The following CRPPA variants were observed in gnomAD, a reference collection of about 807,000 sequenced individuals.
The protein encoded by CRPPA is D-ribitol-5-phosphate cytidylyltransferase.
Under a neutral mutation model 52.0 loss-of-function variants are expected in CRPPA, and 43 were observed. That is an observed-to-expected ratio of 0.83 (90% CI 0.65 to 1.07). The LOEUF is 1.07. Ranked by LOEUF, CRPPA falls within the 50% of genes least tolerant of loss-of-function variation. CRPPA has a pLI of 0.00. For synonymous variants in CRPPA, 250 were observed against 203.5 expected (o/e 1.23, Z -1.94); for missense variants, 629 against 551.7 (o/e 1.14, Z -1.40).
At chr7:16,357,389 A>G (rs903248215) in intron 3 of CRPPA, among the ~76,000 whole-genome samples, 20 of 151,994 alleles carry the variant, frequency 1.3e-4, no homozygotes, top group African/African-American at 4.3e-4. Flanking sequence ...ATGTTGGCCA[A>G]TCTGGTCTCA....
At chr7:16,403,326 A>G (rs1787872922) in intron 2 of CRPPA, among the ~76,000 whole-genome samples, 1 of 152,204 alleles carries the variant, frequency 6.6e-6, no homozygotes, top group Non-Finnish European at 1.5e-5. Flanking sequence ...TTTGAGCTCT[A>G]CAACCTTAAT....
chr7:16,349,943 A>C (rs1306447562), intron 3 of CRPPA, among the ~76,000 whole-genome samples: 1 of 152,146 alleles, frequency 6.6e-6, no homozygotes, highest in African/African-American at 2.4e-5. Context: ...AAGAGACCAT[A>C]TCAAGAAATA....
chr7:16,383,063 G>C (rs1787155300), intron 2 of CRPPA, among the ~76,000 whole-genome samples: 1 of 152,230 alleles, frequency 6.6e-6, no homozygotes, highest in South Asian at 2.1e-4. Flanking sequence ...AGGAGGAGAA[G>C]TGCTCTGCTT....
At chr7:16,305,327 C>T (rs1003712076) in intron 4 of CRPPA, among the ~76,000 whole-genome samples, 4 of 152,086 alleles carry the variant, frequency 2.6e-5, no homozygotes, top group East Asian at 1.9e-4. Flanking sequence ...AAACAAAAAA[C>T]GCTTATAACG....
chr7:16,138,212 A>G (rs1782797860), intron 9 of CRPPA, among the ~76,000 whole-genome samples: 1 of 152,326 alleles, frequency 6.6e-6, no homozygotes, highest in South Asian at 2.1e-4. Context: ...TAAAGAATGT[A>G]TGCTGTTTAC....
At chr7:16,305,835 T>C (rs940168939) in intron 4 of CRPPA, among the ~76,000 whole-genome samples, 2 of 152,108 alleles carry the variant, frequency 1.3e-5, no homozygotes, top group East Asian at 1.9e-4. Flanking sequence ...TGAGCCAAGA[T>C]TGTGCCACTG....
chr7:16,187,978 T>C (rs1043124883), intron 9 of CRPPA, among the ~76,000 whole-genome samples: 2 of 151,972 alleles, frequency 1.3e-5, no homozygotes, highest in Non-Finnish European at 2.9e-5. Context: ...GGTGATCTAG[T>C]TTGTGGTCTT....
chr7:16,157,944 G>T (rs1783219883), intron 9 of CRPPA, among the ~76,000 whole-genome samples: 1 of 151,270 alleles, frequency 6.6e-6, no homozygotes, highest in South Asian at 2.1e-4. Flanking sequence ...GTGCAATCTT[G>T]GCCCACTGCA....
chr7:16,094,789 A>G (rs930762084), intron 9 of CRPPA, among the ~76,000 whole-genome samples: 1 of 152,168 alleles, frequency 6.6e-6, no homozygotes, highest in African/African-American at 2.4e-5. Flanking sequence ...TGAGGAAGAC[A>G]TCGGAAAAGT....
chr7:16,198,669 T>TAC, intron 9 of CRPPA, among the ~76,000 whole-genome samples: 2 of 149,036 alleles, frequency 1.3e-5, no homozygotes, highest in Non-Finnish European at 2.9e-5. Context: ...CACAGGTGTG[T>TAC]AGGGGCAACC....
chr7:16,177,117 A>G (rs1047377119), intron 9 of CRPPA, among the ~76,000 whole-genome samples: 1 of 152,268 alleles, frequency 6.6e-6, no homozygotes, highest in Non-Finnish European at 1.5e-5. Context: ...ATAATGACAG[A>G]AGAGAAATCA....
intron 3 of CRPPA, among the ~76,000 whole-genome samples, chr7:16,344,406 A>C (rs957155426): frequency 2.8e-4 from 5 of 17,708 alleles, no homozygotes; most frequent in African/African-American, 7.9e-4. Flanking sequence ...ATCTCTACCC[A>C]AAAAAAAAAA....
chr7:16,302,071 C>G (rs923012590), intron 4 of CRPPA, among the ~76,000 whole-genome samples: 1 of 152,038 alleles, frequency 6.6e-6, no homozygotes, highest in African/African-American at 2.4e-5. Flanking sequence ...CCAAGGCAGG[C>G]GGATCACGAG....
Position 16,376,112 on chromosome 7 carries a change from T to A in CRPPA, c.664A>T (p.Ile222Phe). Reference sequence around the variant, plus strand: ...CTTACCTGCTGATATGCTTCATAAATCACATCAAATAGAAAAGCTTGGGGC... The same window carrying A: ...CTTACCTGCTGATATGCTTCATAAAACACATCAAATAGAAAAGCTTGGGGC... ...EMPQAFLFDV[I>F]YEAYQQCSDY... The change falls in exon 3 of 10, where the codon ATT (isoleucine) becomes TTT (phenylalanine). Residue 222 changes from isoleucine to phenylalanine, a missense_variant. Coordinates refer to ENST00000407010, the MANE Select transcript of CRPPA (RefSeq NM_001101426.4). The A allele has an allele frequency of 1.9e-6, 3 of 1,600,714 alleles. No homozygotes were observed. Among genetic ancestry groups the A allele is most frequent in the Non-Finnish European group, 2.6e-6 (3 of 1,173,598 alleles).
chr7:16,309,934 G>A (rs576743998), intron 3 of CRPPA, among the ~76,000 whole-genome samples: 12 of 152,122 alleles, frequency 7.9e-5, no homozygotes, highest in Admixed American at 5.9e-4. Flanking sequence ...CTAAATTCAA[G>A]TCAATCGCTA....
chr7:16,301,882 C>G (rs1195137326), intron 4 of CRPPA, among the ~76,000 whole-genome samples: 1 of 152,050 alleles, frequency 6.6e-6, no homozygotes, highest in East Asian at 1.9e-4. Flanking sequence ...TCTGAAAGGT[C>G]AATTTATGTT....
At chr7:16,303,499 A>AAAAAAAAAAAAAAAAAAAAAAAAAC (rs1562619571) in intron 4 of CRPPA, among the ~76,000 whole-genome samples, 9 of 148,462 alleles carry the variant, frequency 6.1e-5, no homozygotes, top group African/African-American at 2.3e-4. Flanking sequence ...AAAAAAAAAA[A>AAAAAAAAAAAAAAAAAAAAAAAAAC]AAAACTTTCA....
chr7:16,283,944 AT>A (rs1358583807), intron 5 of CRPPA, among the ~76,000 whole-genome samples: 3 of 152,052 alleles, frequency 2.0e-5, no homozygotes, highest in Non-Finnish European at 4.4e-5. Flanking sequence ...AATTTTTAAA[AT>A]TTTAAACAAT....
intron 3 of CRPPA, among the ~76,000 whole-genome samples, chr7:16,329,912 T>A (rs1785509220): frequency 6.6e-6 from 1 of 152,226 alleles, no homozygotes; most frequent in South Asian, 2.1e-4. Flanking sequence ...TCAAATCCAA[T>A]TAGGCCACAT....
Sources: gnomAD v4.1 joint callset for allele counts (sites outside exome capture counted in the v4.1 genomes callset) on GRCh38, gnomAD v4.1.1 for gene constraint, MANE v1.5 for transcripts, NCBI Gene and HGNC (gene_info 2026-07-23, HGNC 2026-07-21) for gene names.